The following KHDRBS2 variants were observed in gnomAD, a reference collection of about 807,000 sequenced individuals.
KHDRBS2 encodes KH domain-containing, RNA-binding, signal transduction-associated protein 2.
In KHDRBS2, 26 loss-of-function variants were observed where a neutral mutation model predicts 44.3. The ratio of observed to expected loss-of-function variants is 0.59; its 90% CI spans 0.43 to 0.81. The LOEUF (loss-of-function observed/expected upper bound fraction) is 0.81, where lower values mean the gene tolerates loss of function less well. KHDRBS2 is among the 40% of genes least tolerant of loss of function. KHDRBS2 has a pLI of 0.00. For synonymous variants in KHDRBS2, 194 were observed against 151.1 expected, an observed-to-expected ratio of 1.28 and a Z score of -2.08; for missense variants, 476 against 433.1, an observed-to-expected ratio of 1.10 and a Z score of -0.88.
chr6:62,155,529 A>G (rs1378809777), intron 2 of KHDRBS2, among the ~76,000 whole-genome samples: 1 of 152,146 alleles, frequency 6.6e-6, no homozygotes, highest in Non-Finnish European at 1.5e-5. Context: ...AACATAAGGG[A>G]CCTAGGTCAA....
intron 4 of KHDRBS2, among the ~76,000 whole-genome samples, chr6:61,954,189 T>A (rs1765401559): frequency 6.6e-6 from 1 of 152,054 alleles, no homozygotes; most frequent in African/African-American, 2.4e-5. Flanking sequence ...GGTCTGGGAC[T>A]GTCTTGGTTT....
At chr6:61,996,779 C>T (rs2102790) in intron 3 of KHDRBS2, among the ~76,000 whole-genome samples, 23,191 of 149,296 alleles carry the variant, frequency 0.16, 2,335 homozygotes, top group Admixed American at 0.26. Context: ...CTCTTTTACC[C>T]CTCCTCCCCC....
chr6:62,107,840 G>C (rs999128444), intron 2 of KHDRBS2, among the ~76,000 whole-genome samples: 1 of 152,070 alleles, frequency 6.6e-6, no homozygotes, highest in African/African-American at 2.4e-5. Flanking sequence ...ACGAACAATG[G>C]GGAAAGGATT....
chr6:61,976,735 T>C (rs1772752394), intron 4 of KHDRBS2, among the ~76,000 whole-genome samples: 1 of 152,166 alleles, frequency 6.6e-6, no homozygotes, highest in Admixed American at 6.6e-5. Context: ...TGTAGTATGT[T>C]AGTAATGTAC....
chr6:62,215,776 G>A (rs1563077803), intron 1 of KHDRBS2, among the ~76,000 whole-genome samples: 1 of 151,566 alleles, frequency 6.6e-6, no homozygotes, highest in African/African-American at 2.4e-5. Flanking sequence ...TAGATTTTCA[G>A]AATCATAGGT....
chr6:61,802,217 G>T (rs1786395551), intron 6 of KHDRBS2, among the ~76,000 whole-genome samples: 1 of 152,098 alleles, frequency 6.6e-6, no homozygotes, highest in Non-Finnish European at 1.5e-5. Context: ...CTAACACTTT[G>T]ATTTTAGGCT....
the KHDRBS2 span, among the ~76,000 whole-genome samples, chr6:61,646,351 T>A: frequency 6.6e-5 from 10 of 152,190 alleles, no homozygotes; most frequent in Non-Finnish European, 1.0e-4. Flanking sequence ...TCCAGATCCC[T>A]TGGCTCCCAG....
intron 3 of KHDRBS2, among the ~76,000 whole-genome samples, chr6:61,987,988 C>T (rs1583988137): frequency 6.6e-6 from 1 of 152,136 alleles, no homozygotes; most frequent in Non-Finnish European, 1.5e-5. Flanking sequence ...CTACAAGCAT[C>T]AAAAGAACCA....
the KHDRBS2 span, among the ~76,000 whole-genome samples, chr6:61,666,993 T>TTC: frequency 2.1e-5 from 3 of 146,116 alleles, no homozygotes; most frequent in African/African-American, 7.4e-5. Flanking sequence ...CCTTCTGGGT[T>TTC]TTTTTTTTTT....
chr6:61,964,114 C>T (rs1046554152), intron 4 of KHDRBS2, among the ~76,000 whole-genome samples: 1 of 151,934 alleles, frequency 6.6e-6, no homozygotes, highest in Non-Finnish European at 1.5e-5. Flanking sequence ...CACTGCGGCT[C>T]GTTACCACAA....
At chr6:61,844,626 G>T (rs1442666899) in intron 6 of KHDRBS2, among the ~76,000 whole-genome samples, 1 of 152,040 alleles carries the variant, frequency 6.6e-6, no homozygotes, top group African/African-American at 2.4e-5. Context: ...TTATTCCCTA[G>T]TTAACTCCAA....
At chr6:62,207,714 A>T (rs534395123) in intron 1 of KHDRBS2, among the ~76,000 whole-genome samples, 2 of 152,140 alleles carry the variant, frequency 1.3e-5, no homozygotes, top group South Asian at 4.1e-4. Context: ...GCTAAACCTA[A>T]TGTCATCTCT....
At chr6:62,021,459 T>C (rs1454006787) in intron 3 of KHDRBS2, among the ~76,000 whole-genome samples, 1 of 151,878 alleles carries the variant, frequency 6.6e-6, no homozygotes, top group African/African-American at 2.4e-5. Context: ...ATCATACAGT[T>C]GGGTCTTGTG....
the KHDRBS2 span, among the ~76,000 whole-genome samples, chr6:61,566,111 T>A: frequency 6.6e-6 from 1 of 152,158 alleles, no homozygotes; most frequent in African/African-American, 2.4e-5. Flanking sequence ...AACTGAAGGA[T>A]GTTTCATTGT....
At chr6:62,057,157 A>G (rs1415694707) in intron 2 of KHDRBS2, among the ~76,000 whole-genome samples, 1 of 151,942 alleles carries the variant, frequency 6.6e-6, no homozygotes, top group African/African-American at 2.4e-5. Context: ...TTTAATGTGC[A>G]TGTTTTAAAA....
At chr6:62,104,767 T>C (rs1802754417) in intron 2 of KHDRBS2, among the ~76,000 whole-genome samples, 1 of 151,962 alleles carries the variant, frequency 6.6e-6, no homozygotes, top group African/African-American at 2.4e-5. Context: ...ATATTATCAC[T>C]TTAAAAATTC....
chr6:61,958,327 G>C (rs375647579), intron 4 of KHDRBS2, among the ~76,000 whole-genome samples: 37 of 152,070 alleles, frequency 2.4e-4, no homozygotes, highest in African/African-American at 8.5e-4. Context: ...AGAGGAGTAG[G>C]TTCCCCTCTC....
rs540463959 is a variant in KHDRBS2, at chr6:61,790,562, T to A, written c.811-57798A>T. 2.0e-5 allele frequency among the ~76,000 whole-genome samples: 3 copies of A among 151,694 alleles called. No individual in the cohort carries two copies. The South Asian group carries it at 6.2e-4, about 31-fold the overall frequency. ...AAAGAAAAATCACTTACTTTTTTAA[T>A]CTGTCCTTGGGATGAGGTTATTTAT... On this transcript the variant is annotated intron_variant, in intron 6 of 8. Transcript: ENST00000281156.
At chr6:61,545,163 G>C in the KHDRBS2 span, among the ~76,000 whole-genome samples, 1 of 151,892 alleles carries the variant, frequency 6.6e-6, no homozygotes, top group Non-Finnish European at 1.5e-5. Context: ...GTGATAATTG[G>C]GGCTGGGCAT....
Sources: gnomAD v4.1 joint callset for allele counts (sites outside exome capture counted in the v4.1 genomes callset) on GRCh38, gnomAD v4.1.1 for gene constraint, MANE v1.5 for transcripts, NCBI Gene and HGNC (gene_info 2026-07-23, HGNC 2026-07-21) for gene names.